ARHGAP24: variants seen among roughly 807,000 people sequenced by gnomAD.
The protein encoded by ARHGAP24 is Rho GTPase activating protein 24, also known as rho GTPase-activating protein 24.
ARHGAP24 carries 50 observed loss-of-function variants against 76.4 expected under a neutral mutation model. That is an observed-to-expected ratio of 0.65 (90% CI 0.52 to 0.83). The LOEUF (loss-of-function observed/expected upper bound fraction) is 0.83. Among genes scored for constraint, ARHGAP24 ranks in the 40% least tolerant of loss-of-function variants. The pLI is 0.00. For synonymous variants in ARHGAP24, 345 were observed against 323.3 expected (o/e 1.07, Z -0.72); for missense variants, 930 against 914.2 (o/e 1.02, Z -0.22).
chr4:85,635,893 G>T (rs1025514102), intron 2 of ARHGAP24, among the ~76,000 whole-genome samples: 1 of 151,282 alleles, frequency 6.6e-6, no homozygotes, highest in African/African-American at 2.4e-5. Flanking sequence ...ATTTCCCTAC[G>T]CATTTCCTTT....
intron 3 of ARHGAP24, among the ~76,000 whole-genome samples, chr4:85,897,443 AAAATGTT>A (rs1309041812): frequency 6.6e-6 from 1 of 152,240 alleles, no homozygotes; most frequent in Non-Finnish European, 1.5e-5. Flanking sequence ...TGTTGATGGG[AAAATGTT>A]AAGGCATTAT....
chr4:85,955,409 CTTA>C (rs1178633496), intron 5 of ARHGAP24, among the ~76,000 whole-genome samples: 1 of 152,142 alleles, frequency 6.6e-6, no homozygotes, highest in Non-Finnish European at 1.5e-5. Context: ...AAAACTGTAA[CTTA>C]TTATCTCATA....
At chr4:85,479,619 G>A (rs1408740026) in intron 1 of ARHGAP24, among the ~76,000 whole-genome samples, 5 of 152,188 alleles carry the variant, frequency 3.3e-5, no homozygotes, top group Non-Finnish European at 5.9e-5. Context: ...GGATGGAGAA[G>A]AGGAAATTTA....
chr4:85,879,231 A>G (rs1733103995), intron 3 of ARHGAP24, among the ~76,000 whole-genome samples: 1 of 152,206 alleles, frequency 6.6e-6, no homozygotes, highest in African/African-American at 2.4e-5. Context: ...CCATGAACAT[A>G]TCAGTTATAT....
intron 2 of ARHGAP24, among the ~76,000 whole-genome samples, chr4:85,651,893 GATAAA>G (rs1721960691): frequency 1.3e-5 from 2 of 152,074 alleles, no homozygotes; most frequent in Admixed American, 6.6e-5. Flanking sequence ...TTCAGAATTA[GATAAA>G]ATAAGAACAG....
chr4:85,665,032 C>A lies in ARHGAP24; in HGVS notation c.181-56853C>A, dbSNP rs192892912. 3.3e-5 allele frequency among the ~76,000 whole-genome samples: 5 copies of A among 152,062 alleles called. No homozygotes were observed. The East Asian group carries it at 9.7e-4, about 29-fold the overall frequency. Reference sequence around the variant, plus strand: ...AGTTCTGTCGATGTCTATTAGGTCCCCTTGGTGCAGAGCTGAGTTCAATTC... The same window carrying A: ...AGTTCTGTCGATGTCTATTAGGTCCACTTGGTGCAGAGCTGAGTTCAATTC... On this transcript the variant is annotated intron_variant, in intron 2 of 9. Coordinates refer to ENST00000395184, the MANE Select transcript of ARHGAP24 (RefSeq NM_001025616.3).
intron 3 of ARHGAP24, among the ~76,000 whole-genome samples, chr4:85,853,534 G>T (rs997976186): frequency 1.3e-5 from 2 of 152,184 alleles, no homozygotes; most frequent in East Asian, 3.9e-4. Flanking sequence ...AGTTGGAAAT[G>T]CAGAAATCAC....
chr4:85,583,680 C>T (rs1161800225), intron 2 of ARHGAP24, among the ~76,000 whole-genome samples: 28 of 150,962 alleles, frequency 1.9e-4, no homozygotes, highest in Admixed American at 1.5e-3. Flanking sequence ...AGAAAATTTT[C>T]GCAACCTACT....
At chr4:85,876,566 C>T (rs1732949222) in intron 3 of ARHGAP24, among the ~76,000 whole-genome samples, 1 of 152,190 alleles carries the variant, frequency 6.6e-6, no homozygotes, top group African/African-American at 2.4e-5. Context: ...GTAAGCAAGA[C>T]TTGACCATCT....
intron 4 of ARHGAP24, among the ~76,000 whole-genome samples, chr4:85,934,017 T>C (rs1736495180): frequency 1.3e-5 from 2 of 152,232 alleles, no homozygotes; most frequent in South Asian, 4.2e-4. Context: ...TATTGCTCCA[T>C]GTATGCAACT....
At chr4:85,962,324 T>C (rs1251829641) in intron 5 of ARHGAP24, among the ~76,000 whole-genome samples, 1 of 152,006 alleles carries the variant, frequency 6.6e-6, no homozygotes, top group African/African-American at 2.4e-5. Context: ...CAAAACTCAT[T>C]ATCTATAGAA....
intron 3 of ARHGAP24, among the ~76,000 whole-genome samples, chr4:85,745,515 C>A (rs963291603): frequency 1.3e-5 from 2 of 148,930 alleles, no homozygotes; most frequent in Non-Finnish European, 3.0e-5. Context: ...CCCTTCACTC[C>A]AGGAGTTCAA....
At chr4:85,615,831 C>T (rs544534878) in intron 2 of ARHGAP24, among the ~76,000 whole-genome samples, 1 of 152,158 alleles carries the variant, frequency 6.6e-6, no homozygotes, top group African/African-American at 2.4e-5. Flanking sequence ...AATCAATAAG[C>T]ATTTCTAACT....
intron 3 of ARHGAP24, among the ~76,000 whole-genome samples, chr4:85,886,216 C>T (rs920513082): frequency 2.0e-5 from 3 of 152,100 alleles, no homozygotes; most frequent in African/African-American, 7.2e-5. Context: ...TATCTGACAA[C>T]ATAATTTATT....
chr4:85,479,959 A>G (rs2110086548), intron 1 of ARHGAP24, among the ~76,000 whole-genome samples: 1 of 152,316 alleles, frequency 6.6e-6, no homozygotes, highest in South Asian at 2.1e-4. Flanking sequence ...CATCTCTGAA[A>G]AGCCTGGAAC....
intron 2 of ARHGAP24, among the ~76,000 whole-genome samples, chr4:85,613,067 G>C (rs1720449277): frequency 1.3e-5 from 2 of 151,922 alleles, no homozygotes; most frequent in Non-Finnish European, 2.9e-5. Flanking sequence ...CAAAGTGCTG[G>C]GATTACATGT....
At chr4:85,823,845 C>A (rs1729584302) in intron 3 of ARHGAP24, among the ~76,000 whole-genome samples, 1 of 149,748 alleles carries the variant, frequency 6.7e-6, no homozygotes, top group African/African-American at 2.5e-5. Flanking sequence ...CTAGCTCCCT[C>A]CCTTCCCTCC....
intron 2 of ARHGAP24, among the ~76,000 whole-genome samples, chr4:85,646,755 A>T (rs922690533): frequency 1.3e-5 from 2 of 152,072 alleles, no homozygotes; most frequent in African/African-American, 2.4e-5. Flanking sequence ...AAGTATTGTG[A>T]TCTGGCCATA....
intron 3 of ARHGAP24, among the ~76,000 whole-genome samples, chr4:85,882,140 T>A (rs1733290481): frequency 7.0e-6 from 1 of 143,410 alleles, no homozygotes; most frequent in South Asian, 2.4e-4. Flanking sequence ...TCCAACTCTA[T>A]GGTTGGGTTA....
Sources: allele counts gnomAD v4.1 joint callset (sites outside exome capture counted in the v4.1 genomes callset), GRCh38; gene constraint gnomAD v4.1.1; transcripts MANE v1.5; gene names NCBI Gene and HGNC (gene_info 2026-07-23, HGNC 2026-07-21).